Variants in CAB39L observed in about 807,000 individuals in gnomAD.
The protein encoded by CAB39L is calcium-binding protein 39-like.
CAB39L carries 23 observed loss-of-function variants against 39.1 expected under a neutral mutation model. The ratio of observed to expected loss-of-function variants is 0.59; its 90% CI spans 0.42 to 0.83. The LOEUF is 0.83. Ranked by LOEUF, CAB39L falls within the 40% of genes least tolerant of loss-of-function variation. The pLI is 0.00. For missense variants in CAB39L, 366 were observed against 391.9 expected, an observed-to-expected ratio of 0.93 and a Z score of 0.56; for synonymous variants, 126 against 137.2, an observed-to-expected ratio of 0.92 and a Z score of 0.57.
chr13:49,364,026 T>C (rs1326550515), intron 5 of CAB39L, among the ~76,000 whole-genome samples: 1 of 152,120 alleles, frequency 6.6e-6, no homozygotes, highest in Non-Finnish European at 1.5e-5. Flanking sequence ...TAGCTATACT[T>C]ACATCAGACA....
intron 5 of CAB39L, among the ~76,000 whole-genome samples, chr13:49,361,985 T>C (rs182732149): frequency 3.3e-5 from 5 of 152,234 alleles, no homozygotes; most frequent in Admixed American, 6.5e-5. Context: ...CAACCTTATT[T>C]TTTTAAATTT....
chr13:49,390,449 T>C (rs1242758413), intron 3 of CAB39L, among the ~76,000 whole-genome samples: 3 of 152,120 alleles, frequency 2.0e-5, no homozygotes, highest in Non-Finnish European at 4.4e-5. Context: ...AAGAAAGTCA[T>C]ATCAGCTGCC....
rs776932955 is a variant in CAB39L, at chr13:49,350,920, G to A, written c.396-8C>T. 1.3e-5 allele frequency: 20 copies of A among 1,556,404 alleles called. No homozygotes were observed. The African/African-American group carries it at 1.8e-4, about 14-fold the overall frequency. On this transcript the variant is annotated splice_region_variant and splice_polypyrimidine_tract_variant and intron_variant, in intron 6 of 10. Coordinates refer to ENST00000409308, the MANE Select transcript of CAB39L (RefSeq NM_001079670.3). Reference sequence around the variant, plus strand: ...ATCTGTGGGGCTTCATATCTAAAGCGTAAACAAGAGAGAAATAGAGAACTC... The same window carrying A: ...ATCTGTGGGGCTTCATATCTAAAGCATAAACAAGAGAGAAATAGAGAACTC...
intron 3 of CAB39L, among the ~76,000 whole-genome samples, chr13:49,425,946 T>C (rs1957238311): frequency 6.6e-6 from 1 of 152,188 alleles, no homozygotes; most frequent in Non-Finnish European, 1.5e-5. Flanking sequence ...TTCCTACTTG[T>C]AGAAGTTTGG....
rs181904049 is a variant in CAB39L, at chr13:49,380,802, T to A, written c.111+1998A>T. On this transcript the variant is annotated intron_variant, in intron 4 of 10. Transcript: ENST00000409308. ...AGTATAATATTGTAATCATTATAAATGAAGAAGGAAATGAGTAGAATAAGG... is the reference window on the plus strand; with the variant it reads ...AGTATAATATTGTAATCATTATAAAAGAAGAAGGAAATGAGTAGAATAAGG... Among the ~76,000 whole-genome samples the A allele has an allele frequency of 2.9e-3, 435 of 152,314 alleles. 2 individuals are homozygous for A. Among genetic ancestry groups the A allele is most frequent in the African/African-American group, 0.01 (420 of 41,574 alleles).
chr13:49,327,013 A>G (rs1480475958), intron 10 of CAB39L, among the ~76,000 whole-genome samples: 1 of 152,196 alleles, frequency 6.6e-6, no homozygotes, highest in African/African-American at 2.4e-5. Context: ...CCAGGCCTAC[A>G]GCACTCTATT....
chr13:49,379,684 A>AT lies in CAB39L; in HGVS notation c.112-2554dup, dbSNP rs1464877646. On this transcript the variant is annotated intron_variant, in intron 4 of 10. Transcript: ENST00000409308. The stretch of plus-strand genomic sequence containing the variant: ...CCCCCTCTGTGAGAAACACCCAAGA[A>AT]TTATCAATAAAAAAATAAATTTAAA... Among the ~76,000 whole-genome samples the AT allele has an allele frequency of 6.2e-5, 2 of 32,488 alleles. 1 individual carries two copies. Among genetic ancestry groups the AT allele is most frequent in the African/African-American group, 6.5e-4 (2 of 3,072 alleles). 21.3% of individuals were successfully genotyped at this position (32,488 alleles called of 152,430 possible).
intron 3 of CAB39L, among the ~76,000 whole-genome samples, chr13:49,406,012 G>A (rs181664879): frequency 4.0e-5 from 6 of 151,812 alleles, no homozygotes; most frequent in Admixed American, 1.3e-4. Flanking sequence ...CAGGAAGCAG[G>A]GCAAAGGGGA....
Position 49,339,717 on chromosome 13 carries a change from A to C in CAB39L, c.650T>G (p.Leu217Arg). The C allele has an allele frequency of 6.3e-7, 1 of 1,580,686 alleles. No homozygotes were observed. Reference sequence around the variant, plus strand: ...CTTAGTAACATAATTCTCAGACTGAAGCAATTTCTCATAGTCTTCAAAAAT... The same window carrying C: ...CTTAGTAACATAATTCTCAGACTGACGCAATTTCTCATAGTCTTCAAAAAT... ...DTIFEDYEKL[L>R]QSENYVTKRQ... Residue 217 changes from leucine (L) to arginine (R), a missense_variant, in exon 9 of 11, where the codon CTT (leucine) becomes CGT (arginine). Transcript: ENST00000409308.
At chr13:49,403,462 G>T (rs1367094900) in intron 3 of CAB39L, among the ~76,000 whole-genome samples, 1 of 151,936 alleles carries the variant, frequency 6.6e-6, no homozygotes. Context: ...CACCAGGCAT[G>T]CAAAGAAGCA....
intron 10 of CAB39L, among the ~76,000 whole-genome samples, chr13:49,321,482 T>C (rs1044866458): frequency 2.6e-5 from 4 of 152,184 alleles, no homozygotes; most frequent in African/African-American, 9.7e-5. Context: ...ATACAATTTT[T>C]CCCCAATCTC....
intron 3 of CAB39L, among the ~76,000 whole-genome samples, chr13:49,424,713 A>G (rs1246173040): frequency 6.6e-6 from 1 of 152,236 alleles, no homozygotes; most frequent in East Asian, 1.9e-4. Flanking sequence ...AATAAAACTT[A>G]TTTTAAAACT....
intron 10 of CAB39L, among the ~76,000 whole-genome samples, chr13:49,321,474 A>G (rs767214873): frequency 6.6e-6 from 1 of 152,202 alleles, no homozygotes; most frequent in African/African-American, 2.4e-5. Context: ...GGAGGAAGAT[A>G]CAATTTTTCC....
At chr13:49,395,043 T>C (rs1205145725) in intron 3 of CAB39L, among the ~76,000 whole-genome samples, 3 of 152,212 alleles carry the variant, frequency 2.0e-5, no homozygotes, top group Non-Finnish European at 4.4e-5. Context: ...CTCTGAGTAA[T>C]GTAGTTTGCT....
At chr13:49,408,939 A>C (rs1260268013) in intron 3 of CAB39L, among the ~76,000 whole-genome samples, 1 of 152,180 alleles carries the variant, frequency 6.6e-6, no homozygotes, top group Non-Finnish European at 1.5e-5. Flanking sequence ...CAAGAAAAAG[A>C]AGCATTTAAA....
At chr13:49,332,423 T>C (rs1232206924) in intron 9 of CAB39L, among the ~76,000 whole-genome samples, 1 of 152,206 alleles carries the variant, frequency 6.6e-6, no homozygotes. Flanking sequence ...TCCATAGGCA[T>C]TCAGGTAGAA....
intron 3 of CAB39L, among the ~76,000 whole-genome samples, chr13:49,393,580 T>A (rs1448563368): frequency 1.3e-5 from 2 of 152,002 alleles, no homozygotes; most frequent in Non-Finnish European, 2.9e-5. Context: ...ACTTTCTTCA[T>A]GTAGGTATTT....
Position 49,310,590 on chromosome 13 carries a change from G to A in CAB39L, c.*224C>T, listed in dbSNP as rs989083063. ...TGCTTTTATCAACATCTGATACAAT[G>A]GTTCTCATTTCACATAAATAATCAC... On this transcript the variant is annotated 3_prime_UTR_variant, in exon 11 of 11. Coordinates refer to ENST00000409308, the MANE Select transcript of CAB39L (RefSeq NM_001079670.3). The A allele has an allele frequency of 2.5e-5, 11 of 434,786 alleles. No individual in the cohort carries two copies. The highest frequency in any genetic ancestry group is 2.2e-4 in the African/African-American group (11 of 50,738). The allele number at this position is 434,786 out of a possible 1,614,324, so 26.9% of individuals were successfully genotyped here. A position where few individuals can be genotyped will look rare whatever the true frequency, so the allele number is the denominator to read the frequency against.
chr13:49,311,112 T>A, intron 10 of CAB39L, 119 bp from the exon 11 acceptor site: 1 of 794,996 alleles, frequency 1.3e-6, no homozygotes, highest in Non-Finnish European at 2.0e-6. Context: ...CTGATATTAT[T>A]AATGCGTAGA....
Sources: gnomAD v4.1 joint callset for allele counts (sites outside exome capture counted in the v4.1 genomes callset) on GRCh38, gnomAD v4.1.1 for gene constraint, MANE v1.5 for transcripts, NCBI Gene and HGNC (gene_info 2026-07-23, HGNC 2026-07-21) for gene names.